STRN: variants seen among roughly 807,000 people sequenced by gnomAD.
The protein encoded by STRN is protein phosphatase 2 regulatory subunit B'''alpha.
STRN carries 53 observed loss-of-function variants against 96.3 expected under a neutral mutation model. The ratio of observed to expected loss-of-function variants is 0.55; its 90% confidence interval spans 0.44 to 0.69. The LOEUF (loss-of-function observed/expected upper bound fraction) is 0.69, where lower values mean the gene tolerates loss of function less well. Ranked by LOEUF, STRN falls within the 30% of genes least tolerant of loss-of-function variation. STRN has a pLI of 0.00. For missense variants in STRN, 987 were observed against 963.9 expected (o/e 1.02, Z -0.32); for synonymous variants, 428 against 355.9 (o/e 1.20, Z -2.28).
At chr2:36,863,690 G>T (rs1668551496) in intron 12 of STRN, among the ~76,000 whole-genome samples, 1 of 152,128 alleles carries the variant, frequency 6.6e-6, no homozygotes, top group African/African-American at 2.4e-5. Context: ...TTCTAATTCT[G>T]TTAGAATGTC....
At chr2:36,956,041 C>T (rs900977388) in intron 1 of STRN, among the ~76,000 whole-genome samples, 3 of 152,188 alleles carry the variant, frequency 2.0e-5, no homozygotes, top group Non-Finnish European at 4.4e-5. Context: ...ATCATGTCAG[C>T]ACTCAAAAAG....
intron 2 of STRN, among the ~76,000 whole-genome samples, chr2:36,923,924 T>C (rs1670330351): frequency 6.6e-6 from 1 of 152,096 alleles, no homozygotes; most frequent in East Asian, 1.9e-4. Context: ...CTTCCAAAAA[T>C]CTCACTCATG....
At chr2:36,905,697 A>G (rs1669802075) in intron 3 of STRN, 79 bp from the exon 4 acceptor site, 3 of 1,186,726 alleles carry the variant, frequency 2.5e-6, no homozygotes, top group Admixed American at 3.4e-5. Context: ...AACGTCCAAT[A>G]AACATTTATA....
chr2:36,905,492 CTG>C, intron 4 of STRN, 46 bp downstream of exon 4: 1 of 1,518,822 alleles, frequency 6.6e-7, no homozygotes. Flanking sequence ...CTTCATAAAA[CTG>C]TTTCTTGTCT....
chr2:36,945,594 A>T (rs1670959453), intron 1 of STRN, among the ~76,000 whole-genome samples: 1 of 152,096 alleles, frequency 6.6e-6, no homozygotes, highest in Non-Finnish European at 1.5e-5. Flanking sequence ...TTGAACCAAG[A>T]GGCAGAGTTG....
In STRN at chr2:36,843,385, T is replaced by TA; in HGVS notation, c.*6070_*6071insT. Among the ~76,000 whole-genome samples the TA allele has an allele frequency of 6.6e-6, 1 of 152,286 alleles. No individual in the cohort carries two copies. The highest frequency in any genetic ancestry group is 1.9e-4 in the East Asian group (1 of 5,188). ...AGGGGCAGGGAGTGTGGAAGGCTTG[T>TA]GTATGTCTGTTAAGTAGCGAAACAA... On this transcript the variant is annotated 3_prime_UTR_variant, in exon 18 of 18. Transcript: ENST00000263918.
At chr2:36,852,234 T>C (rs550682621) in intron 15 of STRN, among the ~76,000 whole-genome samples, 63 of 152,344 alleles carry the variant, frequency 4.1e-4, no homozygotes, top group African/African-American at 1.4e-3. Context: ...TGATTTCTGT[T>C]AAGCTTTTTT....
intron 2 of STRN, among the ~76,000 whole-genome samples, chr2:36,917,974 C>T (rs565964730): frequency 4.9e-4 from 75 of 152,114 alleles, no homozygotes; most frequent in African/African-American, 1.8e-3. Flanking sequence ...TGGAAGGATA[C>T]ATAATACGTA....
rs557298722 is a variant in STRN at position 36,927,313 on chromosome 2, G to A, written c.235-2105C>T. On this transcript the variant is annotated intron_variant, in intron 1 of 17. Transcript: ENST00000263918. ...ACTTGAGCTCAGGAGTTTGAGCCTAGCCTGTGCAACATAGCGAGACCACGT... is the reference window on the plus strand; with the variant it reads ...ACTTGAGCTCAGGAGTTTGAGCCTAACCTGTGCAACATAGCGAGACCACGT... 7.9e-5 allele frequency among the ~76,000 whole-genome samples: 12 copies of A among 151,550 alleles called. No individual in the cohort carries two copies. The East Asian group carries it at 2.4e-3, about 30-fold the overall frequency.
At chr2:36,924,668 T>C (rs1670362922) in intron 2 of STRN, among the ~76,000 whole-genome samples, 1 of 152,208 alleles carries the variant, frequency 6.6e-6, no homozygotes, top group Non-Finnish European at 1.5e-5. Context: ...CAACCATTCA[T>C]ACAAATGTTT....
rs1668023510 is a variant in STRN at position 36,844,739 on chromosome 2, CATCCCTGACACTGACATG to C, written c.*4699_*4716del. 1 of 152,048 alleles carries C rather than the reference CATCCCTGACACTGACATG, an allele frequency of 6.6e-6. No homozygotes were observed. Among genetic ancestry groups the C allele is most frequent in the South Asian group, 2.1e-4 (1 of 4,824 alleles). 9.4% of individuals were successfully genotyped at this position (152,048 alleles called of 1,614,324 possible). ...TCTGTTAAATACTTTGTCAACCTGG[CATCCCTGACACTGACATG>C]AAGATCCAGTTGGATGATGGATATT... On this transcript the variant is annotated 3_prime_UTR_variant, in exon 18 of 18. Coordinates refer to ENST00000263918, the MANE Select transcript of STRN (RefSeq NM_003162.4).
chr2:36,886,797 C>A lies in STRN; in HGVS notation c.961G>T (p.Ala321Ser). ...EKEDQCLMPE[A>S]WNVDQGVITK... ...ATTACTCCCTGGTCCACATTCCAGG[C>A]TTCAGGCATGAGACACTGGTCTTCC... Residue 321 changes from alanine (A) to serine (S), a missense_variant, in exon 8 of 18, where the codon GCC (alanine) becomes TCC (serine). By Grantham distance (99) the Ala-to-Ser change is moderately conservative. Coordinates refer to ENST00000263918, the MANE Select transcript of STRN (RefSeq NM_003162.4). 1.2e-6 allele frequency: 2 copies of A among 1,613,278 alleles called. No individual in the cohort carries two copies. The highest frequency in any genetic ancestry group is 1.7e-4 in the Middle Eastern group (1 of 6,050).
chr2:36,928,101 T>C (rs1670464298), intron 1 of STRN, among the ~76,000 whole-genome samples: 1 of 152,146 alleles, frequency 6.6e-6, no homozygotes, highest in Non-Finnish European at 1.5e-5. Context: ...GAAACTTAGA[T>C]ATTAGAAACA....
intron 2 of STRN, among the ~76,000 whole-genome samples, chr2:36,918,076 A>G (rs1360182857): frequency 1.3e-5 from 2 of 152,304 alleles, no homozygotes; most frequent in Middle Eastern, 3.4e-3. Flanking sequence ...TTAATTAACT[A>G]TATAGATACT....
chr2:36,855,390 C>A, intron 14 of STRN, 38 bp from the exon 15 acceptor site: 1 of 1,603,970 alleles, frequency 6.2e-7, no homozygotes, highest in Non-Finnish European at 8.5e-7. Context: ...GGCAATTAAA[C>A]CATCTACTTG....
intron 14 of STRN, among the ~76,000 whole-genome samples, chr2:36,855,914 A>G (rs1668332820): frequency 6.6e-6 from 1 of 152,218 alleles, no homozygotes; most frequent in Admixed American, 6.5e-5. Context: ...GAGCTTATTT[A>G]TAAACATAAA....
intron 2 of STRN, among the ~76,000 whole-genome samples, chr2:36,917,414 G>C (rs1299996295): frequency 6.6e-6 from 1 of 151,392 alleles, no homozygotes; most frequent in Non-Finnish European, 1.5e-5. Context: ...CCAGTTACTC[G>C]GGAGGCTAAG....
At position 36,845,915 on chromosome 2, in the gene STRN, GCACACACACACACACACACACACACACA is replaced by G. The variant is rs58278911; in HGVS notation, c.*3513_*3540del. 24 of 82,922 alleles carry G rather than the reference GCACACACACACACACACACACACACACA, an allele frequency of 2.9e-4. No individual in the cohort carries two copies. In the South Asian group the frequency reaches 4.1e-3, roughly 14 times the overall value. 5.1% of individuals were successfully genotyped at this position (82,922 alleles called of 1,614,324 possible). A position where few individuals can be genotyped will look rare whatever the true frequency, so the allele number is the denominator to read the frequency against. ...CACACACACACACACACGCATGCATGCACACACACACACACACACACACACACACACACACACTAACTCTCTCTCTCTC... is the reference window on the plus strand; with the variant it reads ...CACACACACACACACACGCATGCATGCACACACACTAACTCTCTCTCTCTC... On this transcript the variant is annotated 3_prime_UTR_variant, in exon 18 of 18. Coordinates refer to ENST00000263918, the MANE Select transcript of STRN (RefSeq NM_003162.4).
chr2:36,887,934 T>C (rs138284835), intron 7 of STRN, among the ~76,000 whole-genome samples: 144 of 152,292 alleles, frequency 9.5e-4, no homozygotes, highest in African/African-American at 3.1e-3. Flanking sequence ...GACTGATACA[T>C]CCAACTGTTC....
Sources: gnomAD v4.1 joint callset for allele counts (sites outside exome capture counted in the v4.1 genomes callset) on GRCh38, gnomAD v4.1.1 for gene constraint, MANE v1.5 for transcripts, NCBI Gene and HGNC (gene_info 2026-07-23, HGNC 2026-07-21) for gene names.